SGCG: variants seen among roughly 807,000 people sequenced by gnomAD.
SGCG encodes sarcoglycan gamma.
Under a neutral mutation model 29.3 loss-of-function variants are expected in SGCG, and 26 were observed. The ratio of observed to expected loss-of-function variants is 0.89; its 90% CI spans 0.65 to 1.23. The LOEUF (loss-of-function observed/expected upper bound fraction) is 1.23, where lower values mean the gene tolerates loss of function less well. SGCG is among the 50% of genes most tolerant of loss of function. The probability of loss-of-function intolerance (pLI) is 0.00; values close to 1 mark genes in which losing one functional copy is unlikely to be tolerated. For missense variants in SGCG, 353 were observed against 356.0 expected (o/e 0.99, Z 0.07); for synonymous variants, 145 against 129.7 (o/e 1.12, Z -0.80).
chr13:23,292,115 C>CTTT (rs1165635359), intron 5 of SGCG, among the ~76,000 whole-genome samples: 2 of 126,570 alleles, frequency 1.6e-5, no homozygotes, highest in East Asian at 2.1e-4. Context: ...CATAACATTT[C>CTTT]TTTCTTTTTT....
intron 2 of SGCG, among the ~76,000 whole-genome samples, chr13:23,211,523 C>T (rs142486252): frequency 5.2e-4 from 79 of 152,240 alleles, no homozygotes; most frequent in African/African-American, 1.8e-3. Flanking sequence ...AATCATTATT[C>T]CCACTTACCT....
chr13:23,244,445 T>C (rs1030315066), intron 3 of SGCG: 4 of 152,224 alleles, frequency 2.6e-5, no homozygotes, highest in African/African-American at 4.8e-5. Context: ...AAGTTAACTA[T>C]TTCTCGGATT....
chr13:23,234,593 C>T lies in SGCG; in HGVS notation c.196-18C>T. On this transcript the variant is annotated intron_variant, in intron 2 of 7. Coordinates refer to ENST00000218867, the MANE Select transcript of SGCG (RefSeq NM_000231.3). The stretch of plus-strand genomic sequence containing the variant: ...AGCAATAAAAATATACGCATTGTCT[C>T]TTTTTTTTTTTTAACAGGCAGGAAT... 6.4e-6 allele frequency: 8 copies of T among 1,244,764 alleles called. No individual in the cohort carries two copies. Among genetic ancestry groups the T allele is most frequent in the Non-Finnish European group, 9.1e-6 (8 of 882,540 alleles). 77.1% of individuals were successfully genotyped at this position (1,244,764 alleles called of 1,614,324 possible). A position where few individuals can be genotyped will look rare whatever the true frequency, so the allele number is the denominator to read the frequency against.
chr13:23,186,193 C>T (rs991343017), intron 1 of SGCG, among the ~76,000 whole-genome samples: 2 of 152,202 alleles, frequency 1.3e-5, no homozygotes, highest in African/African-American at 2.4e-5. Context: ...TCTGAAGGGT[C>T]TTAGCCTTGG....
At chr13:23,299,748 G>A (rs1001652840) in intron 6 of SGCG, among the ~76,000 whole-genome samples, 5 of 152,040 alleles carry the variant, frequency 3.3e-5, no homozygotes, top group South Asian at 2.1e-4. Context: ...CACCGTGCCC[G>A]GCCTTAGATT....
chr13:23,324,372 T>C lies in SGCG; in HGVS notation c.707T>C (p.Val236Ala), dbSNP rs571481056. 3.7e-6 allele frequency: 6 copies of C among 1,614,160 alleles called. No homozygotes were observed. In the East Asian group the frequency reaches 1.3e-4, roughly 36 times the overall value. ...CTCTCATCTTCTCCCAACCAGCTTGTGCTTGATGCTGAAACTGTGTGCTTA... is the reference window on the plus strand; with the variant it reads ...CTCTCATCTTCTCCCAACCAGCTTGCGCTTGATGCTGAAACTGTGTGCTTA... ...ILFHSSDGML[V>A]LDAETVCLPK... Residue 236 changes from valine (V) to alanine (A), a missense_variant, in exon 8 of 8, where the codon GTG becomes GCG. Transcript: ENST00000218867.
At position 23,257,141 on chromosome 13, in the gene SGCG, A is replaced by G. The variant is rs1290927979; in HGVS notation, c.385+6424A>G. Among the ~76,000 whole-genome samples the G allele has an allele frequency of 2.0e-5, 3 of 152,048 alleles. No individual in the cohort carries two copies. The East Asian group carries it at 5.8e-4, about 29-fold the overall frequency. ...TCTCTGATGACCAGTGATGATGAGCATTTTTTCATGTGTCTGTTAGCTGCA... is the reference window on the plus strand; with the variant it reads ...TCTCTGATGACCAGTGATGATGAGCGTTTTTTCATGTGTCTGTTAGCTGCA... On this transcript the variant is annotated intron_variant, in intron 4 of 7. Coordinates refer to ENST00000218867, the MANE Select transcript of SGCG (RefSeq NM_000231.3).
At chr13:23,227,497 GTCTGTAGCAGCTTT>G (rs1167728253) in intron 2 of SGCG, among the ~76,000 whole-genome samples, 1 of 152,104 alleles carries the variant, frequency 6.6e-6, no homozygotes, top group Non-Finnish European at 1.5e-5. Context: ...GTATGTAAAA[GTCTGTAGCAGCTTT>G]TCTCATAATT....
intron 2 of SGCG, among the ~76,000 whole-genome samples, chr13:23,224,300 G>A (rs758260536): frequency 6.6e-5 from 10 of 152,158 alleles, no homozygotes; most frequent in Non-Finnish European, 1.5e-4. Context: ...TGAAACTACA[G>A]GCTCCTCCCA....
At chr13:23,206,951 G>A (rs765406578) in intron 2 of SGCG, among the ~76,000 whole-genome samples, 35 of 152,210 alleles carry the variant, frequency 2.3e-4, no homozygotes, top group Non-Finnish European at 3.2e-4. Context: ...ATTTTTTACA[G>A]AAATAGAAAA....
chr13:23,320,059 A>G (rs957993753), intron 6 of SGCG, among the ~76,000 whole-genome samples: 1 of 152,214 alleles, frequency 6.6e-6, no homozygotes, highest in Non-Finnish European at 1.5e-5. Context: ...TAATAAAGAA[A>G]AGACCAAACT....
chr13:23,287,883 T>C (rs1020223295), intron 5 of SGCG, among the ~76,000 whole-genome samples: 6 of 152,060 alleles, frequency 3.9e-5, no homozygotes, highest in Non-Finnish European at 8.8e-5. Context: ...TCCTCCCGAG[T>C]AGCTGAGAAT....
At chr13:23,197,274 A>C (rs1300635279) in intron 1 of SGCG, among the ~76,000 whole-genome samples, 1 of 152,180 alleles carries the variant, frequency 6.6e-6, no homozygotes, top group African/African-American at 2.4e-5. Flanking sequence ...ACCTAGTCAC[A>C]TCGTTGTAAT....
intron 2 of SGCG, among the ~76,000 whole-genome samples, chr13:23,223,164 G>C (rs1878741858): frequency 6.6e-6 from 1 of 151,472 alleles, no homozygotes; most frequent in South Asian, 2.1e-4. Context: ...TGTAGTTCCA[G>C]CTACTCTGGA....
intron 4 of SGCG, among the ~76,000 whole-genome samples, chr13:23,264,188 C>G (rs1370765405): frequency 6.6e-6 from 1 of 152,066 alleles, no homozygotes; most frequent in African/African-American, 2.4e-5. Context: ...ACCCTACACA[C>G]TCCTCCAGAA....
At chr13:23,281,700 T>G (rs1224768342) in intron 5 of SGCG, among the ~76,000 whole-genome samples, 1 of 152,198 alleles carries the variant, frequency 6.6e-6, no homozygotes, top group Non-Finnish European at 1.5e-5. Flanking sequence ...TATTAGATTC[T>G]CATCAGGAGC....
At chr13:23,249,009 A>T (rs1257795077) in intron 3 of SGCG, among the ~76,000 whole-genome samples, 1 of 148,982 alleles carries the variant, frequency 6.7e-6, no homozygotes, top group East Asian at 2.0e-4. Flanking sequence ...AAAAAAAAAA[A>T]AAACAAACCT....
chr13:23,265,714 A>G (rs1207603837), intron 4 of SGCG, among the ~76,000 whole-genome samples: 1 of 152,238 alleles, frequency 6.6e-6, no homozygotes, highest in Non-Finnish European at 1.5e-5. Context: ...TAAGACCACA[A>G]TGAGATACCA....
intron 4 of SGCG, among the ~76,000 whole-genome samples, chr13:23,261,644 A>G (rs1169817593): frequency 2.0e-5 from 3 of 152,088 alleles, no homozygotes; most frequent in Non-Finnish European, 4.4e-5. Context: ...TCCAAGTACA[A>G]GAAGTTCAAA....
Sources: gnomAD v4.1 joint callset for allele counts (sites outside exome capture counted in the v4.1 genomes callset) on GRCh38, gnomAD v4.1.1 for gene constraint, MANE v1.5 for transcripts, NCBI Gene and HGNC (gene_info 2026-07-23, HGNC 2026-07-21) for gene names.